ERBB4: variants seen among roughly 807,000 people sequenced by gnomAD.
The protein encoded by ERBB4 is receptor tyrosine-protein kinase erbB-4.
In ERBB4, 42 loss-of-function variants were observed where a neutral mutation model predicts 158.0. The observed-to-expected ratio is 0.27, with a 90% CI of 0.21 to 0.34. The LOEUF (loss-of-function observed/expected upper bound fraction) is 0.34. Among genes scored for constraint, ERBB4 ranks in the 10% least tolerant of loss-of-function variants. The pLI is 1.00. For missense variants in ERBB4, 1,333 were observed against 1,624.1 expected, an observed-to-expected ratio of 0.82 and a Z score of 3.08; for synonymous variants, 583 against 558.7, an observed-to-expected ratio of 1.04 and a Z score of -0.61.
chr2:212,217,616 C>T (rs1353041875), intron 1 of ERBB4, among the ~76,000 whole-genome samples: 2 of 151,070 alleles, frequency 1.3e-5, no homozygotes, highest in East Asian at 1.9e-4. Context: ...GGAAACGGTT[C>T]GATTTCTCAC....
intron 1 of ERBB4, among the ~76,000 whole-genome samples, chr2:212,291,899 G>T (rs1343668747): frequency 6.6e-6 from 1 of 151,832 alleles, no homozygotes; most frequent in Non-Finnish European, 1.5e-5. Flanking sequence ...TTGTAGGGAA[G>T]AAAAGAAATT....
At chr2:212,414,238 T>G (rs1357415407) in intron 1 of ERBB4, among the ~76,000 whole-genome samples, 1 of 152,222 alleles carries the variant, frequency 6.6e-6, no homozygotes, top group Non-Finnish European at 1.5e-5. Flanking sequence ...TTAGAGTACT[T>G]TATATAGAGG....
intron 3 of ERBB4, among the ~76,000 whole-genome samples, chr2:211,933,899 C>A (rs1328523356): frequency 6.6e-6 from 1 of 151,876 alleles, no homozygotes; most frequent in Non-Finnish European, 1.5e-5. Flanking sequence ...GTAGTGTATT[C>A]TTTGATGTCT....
chr2:212,028,062 C>T lies in ERBB4; in HGVS notation c.235-80446G>A, dbSNP rs190245647. Among the ~76,000 whole-genome samples, 4 of 152,150 alleles carry T rather than the reference C, an allele frequency of 2.6e-5. No homozygotes were observed. In the East Asian group the frequency reaches 7.7e-4, roughly 29 times the overall value. ...AAGGAAGTTGCCAGTTGTTGTCCAG[C>T]AACTAGCAGACAAAACTCTGGAATT... On this transcript the variant is annotated intron_variant, in intron 2 of 27. Coordinates refer to ENST00000342788, the MANE Select transcript of ERBB4 (RefSeq NM_005235.3).
At chr2:211,626,064 GC>G (rs775780303) in intron 17 of ERBB4, among the ~76,000 whole-genome samples, 3 of 152,132 alleles carry the variant, frequency 2.0e-5, no homozygotes, top group Non-Finnish European at 2.9e-5. Context: ...GAAGCAATTT[GC>G]CCTTCCTAAA....
Position 211,385,543 on chromosome 2 carries a change from T to A in ERBB4, c.3481+1310A>T, listed in dbSNP as rs1441678055. Among the ~76,000 whole-genome samples, 3 of 152,294 alleles carry A rather than the reference T, an allele frequency of 2.0e-5. No homozygotes were observed. The East Asian group carries it at 5.8e-4, about 29-fold the overall frequency. ...AAACATTTATAAGGAATGCAGAATT[T>A]GGTCTCTCTTACCAGATTCCTTAAA... On this transcript the variant is annotated intron_variant, in intron 27 of 27. Coordinates refer to ENST00000342788, the MANE Select transcript of ERBB4 (RefSeq NM_005235.3).
In ERBB4 at chr2:211,952,392, A is replaced by T. The variant is rs554586909; in HGVS notation, c.235-4776T>A. Among the ~76,000 whole-genome samples, 5 of 152,170 alleles carry T rather than the reference A, an allele frequency of 3.3e-5. No individual in the cohort carries two copies. In the East Asian group the frequency reaches 5.8e-4, roughly 18 times the overall value. ...AGATGATATTGGCAGATCTGGATAA[A>T]AAGTGAAGAGATATCTAAAAGCGTA... On this transcript the variant is annotated intron_variant, in intron 2 of 27. Transcript: ENST00000342788.
In ERBB4 at chr2:212,188,253, T is replaced by C. The variant is rs1169238338; in HGVS notation, c.83-63350A>G. Among the ~76,000 whole-genome samples the C allele has an allele frequency of 2.6e-3, 71 of 27,150 alleles. 3 individuals carry two copies. The highest frequency in any genetic ancestry group is 4.4e-3 in the East Asian group (2 of 454). The allele number at this position is 27,150 out of a possible 152,430, so 17.8% of individuals were successfully genotyped here. A position where few individuals can be genotyped will look rare whatever the true frequency, so the allele number is the denominator to read the frequency against. On this transcript the variant is annotated intron_variant, in intron 1 of 27. Coordinates refer to ENST00000342788, the MANE Select transcript of ERBB4 (RefSeq NM_005235.3). Reference sequence around the variant, plus strand: ...CTCTCTCCCCCCCCCTCTCACCCCCTCCCTCCCTCCCTCTTCTCTCCCTCC... The same window carrying C: ...CTCTCTCCCCCCCCCTCTCACCCCCCCCCTCCCTCCCTCTTCTCTCCCTCC...
intron 2 of ERBB4, among the ~76,000 whole-genome samples, chr2:212,037,427 A>T (rs2077041170): frequency 6.6e-6 from 1 of 152,222 alleles, no homozygotes; most frequent in Admixed American, 6.5e-5. Context: ...AAGAAAAGGT[A>T]ATGACAGCAT....
At chr2:211,548,504 C>T (rs1186459905) in intron 20 of ERBB4, among the ~76,000 whole-genome samples, 1 of 152,018 alleles carries the variant, frequency 6.6e-6, no homozygotes, top group Non-Finnish European at 1.5e-5. Flanking sequence ...ACCAACTCTC[C>T]ATCACACTGT....
intron 1 of ERBB4, among the ~76,000 whole-genome samples, chr2:212,129,742 G>T: frequency 6.7e-6 from 1 of 148,976 alleles, no homozygotes; most frequent in Non-Finnish European, 1.5e-5. Context: ...GACAAAAAAA[G>T]ATCCTCCAAA....
At chr2:211,662,728 C>A (rs2071476366) in intron 15 of ERBB4, among the ~76,000 whole-genome samples, 2 of 152,024 alleles carry the variant, frequency 1.3e-5, no homozygotes, top group African/African-American at 4.8e-5. Context: ...CTTGTTAGAG[C>A]CATTATATTT....
chr2:211,753,854 ATTTT>A lies in ERBB4; in HGVS notation c.557-3154_557-3151del, dbSNP rs1047804300. Among the ~76,000 whole-genome samples the A allele has an allele frequency of 1.6e-4, 19 of 121,308 alleles. 1 individual carries two copies. Among genetic ancestry groups the A allele is most frequent in the African/African-American group, 6.1e-4 (19 of 31,016 alleles). The allele number at this position is 121,308 out of a possible 152,430, so 79.6% of individuals were successfully genotyped here. On this transcript the variant is annotated intron_variant, in intron 4 of 27. Coordinates refer to ENST00000342788, the MANE Select transcript of ERBB4 (RefSeq NM_005235.3). ...GCATGCACTAACCTCAAAAGTCCTG[ATTTT>A]TTTTTTTTTTTTTTTTTGAGACGGA...
chr2:211,792,384 T>A (rs1014830845), intron 3 of ERBB4, among the ~76,000 whole-genome samples: 15 of 151,486 alleles, frequency 9.9e-5, no homozygotes, highest in African/African-American at 3.1e-4. Flanking sequence ...TTTAAGAAAA[T>A]ATATATATAT....
chr2:212,304,942 C>CTG (rs1011208436), intron 1 of ERBB4, among the ~76,000 whole-genome samples: 7 of 150,054 alleles, frequency 4.7e-5, no homozygotes, highest in South Asian at 2.1e-4. Context: ...GCGTACATGT[C>CTG]TGTGTGTGTG....
intron 20 of ERBB4, among the ~76,000 whole-genome samples, chr2:211,440,222 C>T (rs779607659): frequency 4.6e-5 from 7 of 152,156 alleles, no homozygotes; most frequent in Non-Finnish European, 8.8e-5. Flanking sequence ...ATAGGAGAAG[C>T]GAATCATGTA....
At chr2:211,553,785 G>T (rs937394154) in intron 20 of ERBB4, among the ~76,000 whole-genome samples, 1 of 152,074 alleles carries the variant, frequency 6.6e-6, no homozygotes, top group African/African-American at 2.4e-5. Flanking sequence ...GAATCTGTAG[G>T]CTAAACACAA....
intron 20 of ERBB4, among the ~76,000 whole-genome samples, chr2:211,493,768 C>A (rs371722291): frequency 1.3e-5 from 2 of 152,066 alleles, no homozygotes; most frequent in South Asian, 4.2e-4. Context: ...AAGATGTTAA[C>A]TAGGTTAATA....
chr2:212,203,048 G>A (rs1231795452), intron 1 of ERBB4, among the ~76,000 whole-genome samples: 1 of 151,820 alleles, frequency 6.6e-6, no homozygotes, highest in East Asian at 1.9e-4. Context: ...AGGCACAGAA[G>A]ATACAAAAGT....
Sources: allele counts gnomAD v4.1 joint callset (sites outside exome capture counted in the v4.1 genomes callset), GRCh38; gene constraint gnomAD v4.1.1; transcripts MANE v1.5; gene names NCBI Gene and HGNC (gene_info 2026-07-23, HGNC 2026-07-21).